Variants in POLR3GL observed in about 807,000 individuals in gnomAD.
The protein encoded by POLR3GL is RNA polymerase III subunit GL.
A neutral mutation model predicts 32.4 loss-of-function variants in POLR3GL; 26 were observed. That is an observed-to-expected ratio of 0.80 (90% CI 0.59 to 1.11). The LOEUF (loss-of-function observed/expected upper bound fraction) is 1.11, where lower values mean the gene tolerates loss of function less well. POLR3GL is among the 50% of genes most tolerant of loss of function. The pLI is 0.00. For synonymous variants in POLR3GL, 95 were observed against 98.7 expected, an observed-to-expected ratio of 0.96 and a Z score of 0.22; for missense variants, 229 against 280.1, an observed-to-expected ratio of 0.82 and a Z score of 1.30.
intron 1 of POLR3GL, among the ~76,000 whole-genome samples, chr1:145,970,732 C>T (rs1553762520): frequency 1.3e-5 from 2 of 151,190 alleles, no homozygotes; most frequent in East Asian, 1.9e-4. Context: ...ACAAATTAGC[C>T]GGGCACGGTG....
At chr1:145,974,557 G>C (rs1553763110) in intron 1 of POLR3GL, among the ~76,000 whole-genome samples, 2 of 152,184 alleles carry the variant, frequency 1.3e-5, no homozygotes, top group Non-Finnish European at 2.9e-5. Context: ...AATTGTCTTA[G>C]GGATGTAGAG....
chr1:145,967,374 C>G (rs587604944), intron 1 of POLR3GL, among the ~76,000 whole-genome samples: 6 of 152,146 alleles, frequency 3.9e-5, no homozygotes, highest in East Asian at 3.9e-4. Flanking sequence ...CAGGGTTTCT[C>G]TATGTTGCCC....
Position 145,974,929 on chromosome 1 carries a change from G to A in POLR3GL, c.64G>A (p.Val22Met), listed in dbSNP as rs782138217. The change falls in exon 2 of 8, where the codon GTG becomes ATG. Residue 22 changes from valine (V) to methionine (M), a missense_variant. Transcript: ENST00000369314. ...CCAGTTGACCTTCAACGTGGAGGCCGTGGGCATTGGGAAAGGGGATGCTTT... is the reference window on the plus strand; with the variant it reads ...CCAGTTGACCTTCAACGTGGAGGCCATGGGCATTGGGAAAGGGGATGCTTT... The part of the protein sequence containing the change: ...RGQLTFNVEA[V>M]GIGKGDALPP... 49 of 1,519,736 alleles carry A rather than the reference G, an allele frequency of 3.2e-5. No homozygotes were observed. The highest frequency in any genetic ancestry group is 3.9e-5 in the Non-Finnish European group (44 of 1,141,366). The allele number at this position is 1,519,736 out of a possible 1,614,324, so 94.1% of individuals were successfully genotyped here. A position where few individuals can be genotyped will look rare whatever the true frequency, so the allele number is the denominator to read the frequency against.
intron 3 of POLR3GL, among the ~76,000 whole-genome samples, 156 bp from the exon 4 acceptor site, chr1:145,976,928 A>AG (rs1300626719): frequency 7.8e-6 from 1 of 127,714 alleles, no homozygotes; most frequent in Non-Finnish European, 1.6e-5. Context: ...AAAAAAAAAA[A>AG]AAAGTAGATA....
rs781808113 is a variant in POLR3GL at position 145,974,919 on chromosome 1, C to T, written c.54C>T (p.Asn18=). 1.2e-5 allele frequency: 18 copies of T among 1,520,550 alleles called. No homozygotes were observed. Among genetic ancestry groups the T allele is most frequent in the Admixed American group, 5.2e-5 (2 of 38,302 alleles). 94.2% of individuals were successfully genotyped at this position (1,520,550 alleles called of 1,614,324 possible). ...RGRGRGQLTF[N]VEAVGIGKGD... ...GTGGCCGGGGCCAGTTGACCTTCAA[C>T]GTGGAGGCCGTGGGCATTGGGAAAG... The change falls in exon 2 of 8, where the codon AAC becomes AAT. Residue 18 remains asparagine (N), a synonymous_variant. Coordinates refer to ENST00000369314, the MANE Select transcript of POLR3GL (RefSeq NM_032305.3).
At chr1:145,969,591 G>A (rs587657333) in intron 1 of POLR3GL, among the ~76,000 whole-genome samples, 6 of 147,370 alleles carry the variant, frequency 4.1e-5, no homozygotes, top group Non-Finnish European at 9.0e-5. Flanking sequence ...TTTTAATGTT[G>A]TTATAGTATT....
At chr1:145,977,439 C>A (rs782628385) in intron 4 of POLR3GL, 44 bp from the exon 5 acceptor site, 10 of 1,584,978 alleles carry the variant, frequency 6.3e-6, no homozygotes, top group Non-Finnish European at 7.8e-6. Context: ...CACTGGAGAC[C>A]CCAGGCAGGG....
At chr1:145,966,171 T>G (rs1650016721) in intron 1 of POLR3GL, among the ~76,000 whole-genome samples, 1 of 142,122 alleles carries the variant, frequency 7.0e-6, no homozygotes, top group African/African-American at 2.6e-5. Flanking sequence ...GTGGAATTGG[T>G]AGCATTCTTA....
intron 1 of POLR3GL, among the ~76,000 whole-genome samples, chr1:145,970,572 C>T (rs1553762497): frequency 5.3e-5 from 8 of 151,820 alleles, no homozygotes. Flanking sequence ...GCACAGTTTC[C>T]CCTATTAACA....
chr1:145,965,975 G>T (rs1455082164), intron 1 of POLR3GL, among the ~76,000 whole-genome samples: 1 of 151,974 alleles, frequency 6.6e-6, no homozygotes, highest in Non-Finnish European at 1.5e-5. Flanking sequence ...AATTAGCTGG[G>T]CGTGTTGGCG....
chr1:145,975,343 G>A lies in POLR3GL; in HGVS notation c.163G>A (p.Glu55Lys), dbSNP rs1650503792. ...CCGCCCAGTACCTTTGCCCTCAGGC[G>A]AGGAAGGGGAATATGTCCTGGCACT... ...EFRPVPLPSG[E>K]EGEYVLALKQ... The change falls in exon 3 of 8, where the codon GAG becomes AAG. Residue 55 changes from glutamate (E) to lysine (K), a missense_variant. Transcript: ENST00000369314. 1.2e-6 allele frequency: 2 copies of A among 1,614,166 alleles called. No individual in the cohort carries two copies. Among genetic ancestry groups the A allele is most frequent in the Non-Finnish European group, 1.7e-6 (2 of 1,179,994 alleles).
chr1:145,974,940 G>T lies in POLR3GL; in HGVS notation c.75G>T (p.Gly25=). ...LTFNVEAVGI[G]KGDALPPPTL... Reference sequence around the variant, plus strand: ...TCAACGTGGAGGCCGTGGGCATTGGGAAAGGGGATGCTTTGCCCCCACCCA... The same window carrying T: ...TCAACGTGGAGGCCGTGGGCATTGGTAAAGGGGATGCTTTGCCCCCACCCA... The change falls in exon 2 of 8, where the codon GGG becomes GGT. Residue 25 remains glycine, a synonymous_variant. Transcript: ENST00000369314. 6.6e-7 allele frequency: 1 copy of T among 1,519,648 alleles called. No individual in the cohort carries two copies. The highest frequency in any genetic ancestry group is 2.5e-5 in the Admixed American group (1 of 39,432). The allele number at this position is 1,519,648 out of a possible 1,614,324, so 94.1% of individuals were successfully genotyped here. A position where few individuals can be genotyped will look rare whatever the true frequency, so the allele number is the denominator to read the frequency against.
In POLR3GL at chr1:145,978,764, C is replaced by T. The variant is rs1200348705; in HGVS notation, c.*317C>T. 1.1e-5 allele frequency: 3 copies of T among 271,856 alleles called. No individual in the cohort carries two copies. Among genetic ancestry groups the T allele is most frequent in the African/African-American group, 6.7e-5 (3 of 45,092 alleles). 16.8% of individuals were successfully genotyped at this position (271,856 alleles called of 1,614,324 possible). ...ACATACCCCTGCCCAATTTATATAG[C>T]TCTTTGTGGAGATAATTAGGGGTGG... On this transcript the variant is annotated 3_prime_UTR_variant, in exon 8 of 8. Transcript: ENST00000369314.
rs782293165 is a variant in POLR3GL at position 145,977,966 on chromosome 1, A to C, written c.457-17A>C. 1 of 1,614,010 alleles carries C rather than the reference A, an allele frequency of 6.2e-7. No individual in the cohort carries two copies. ...GAACTGAACCTGAGTTTCTATTCCT[A>C]TTCATCCCCACATGAGACCCTGGAG... On this transcript the variant is annotated splice_polypyrimidine_tract_variant and intron_variant, in intron 6 of 7. Coordinates refer to ENST00000369314, the MANE Select transcript of POLR3GL (RefSeq NM_032305.3).
chr1:145,965,706 ATC>A (rs1169190036), intron 1 of POLR3GL, among the ~76,000 whole-genome samples: 1 of 152,222 alleles, frequency 6.6e-6, no homozygotes, highest in African/African-American at 2.4e-5. Flanking sequence ...GAACTCTCTT[ATC>A]TCTCTTGTAG....
At position 145,969,277 on chromosome 1, in the gene POLR3GL, T is replaced by A. The variant is rs587682522; in HGVS notation, c.-42+4509T>A. ...CCACAACTGGCCCATTAAAAAAAAA[T>A]TTTTTTGAGACACAGTCTCGCTCTT... On this transcript the variant is annotated intron_variant, in intron 1 of 7. Transcript: ENST00000369314. Among the ~76,000 whole-genome samples the A allele has an allele frequency of 7.3e-5, 11 of 151,548 alleles. No individual in the cohort carries two copies. The South Asian group carries it at 8.3e-4, about 12-fold the overall frequency.
intron 1 of POLR3GL, among the ~76,000 whole-genome samples, chr1:145,967,758 C>G (rs587768512): frequency 6.6e-6 from 1 of 152,308 alleles, no homozygotes; most frequent in Non-Finnish European, 1.5e-5. Flanking sequence ...TCCATTTAAA[C>G]CCCGTGGGTG....
intron 3 of POLR3GL, 47 bp downstream of exon 3, chr1:145,975,483 G>A: frequency 1.3e-6 from 2 of 1,596,940 alleles, no homozygotes; most frequent in African/African-American, 1.3e-5. Context: ...TCCATGGGGA[G>A]TGCCCTGTGC....
In POLR3GL at chr1:145,974,908, T is replaced by A; in HGVS notation, c.43T>A (p.Leu15Met). 6.6e-7 allele frequency: 1 copy of A among 1,524,832 alleles called. No homozygotes were observed. Among genetic ancestry groups the A allele is most frequent in the Non-Finnish European group, 8.7e-7 (1 of 1,146,104 alleles). 94.5% of individuals were successfully genotyped at this position (1,524,832 alleles called of 1,614,324 possible). A position where few individuals can be genotyped will look rare whatever the true frequency, so the allele number is the denominator to read the frequency against. The change falls in exon 2 of 8, where the codon TTG becomes ATG. Residue 15 changes from leucine (L) to methionine (M), a missense_variant. Coordinates refer to ENST00000369314, the MANE Select transcript of POLR3GL (RefSeq NM_032305.3). ...GGGCCGGGGTCGTGGCCGGGGCCAG[T>A]TGACCTTCAACGTGGAGGCCGTGGG... ...GGGRGRGRGQ[L>M]TFNVEAVGIG...
Sources: gnomAD v4.1 joint callset for allele counts (sites outside exome capture counted in the v4.1 genomes callset) on GRCh38, gnomAD v4.1.1 for gene constraint, MANE v1.5 for transcripts, NCBI Gene and HGNC (gene_info 2026-07-23, HGNC 2026-07-21) for gene names.